The following NDUFAF2 variants were observed in gnomAD, a reference collection of about 807,000 sequenced individuals.
NDUFAF2 encodes NADH:ubiquinone oxidoreductase complex assembly factor 2, also known as NADH dehydrogenase [ubiquinone] 1 alpha subcomplex assembly factor 2.
In NDUFAF2, 13 loss-of-function variants were observed where a neutral mutation model predicts 22.8. The observed-to-expected ratio is 0.57, with a 90% CI of 0.37 to 0.91. The LOEUF (loss-of-function observed/expected upper bound fraction) is 0.91, where lower values mean the gene tolerates loss of function less well. Ranked by LOEUF, NDUFAF2 falls within the 40% of genes least tolerant of loss-of-function variation. NDUFAF2 has a pLI of 0.01. For synonymous variants in NDUFAF2, 53 were observed against 64.2 expected (o/e 0.83, Z 0.84); for missense variants, 162 against 195.2 (o/e 0.83, Z 1.01).
Position 61,049,886 on chromosome 5 carries a change from TACACACACAC to T in NDUFAF2, c.128-23217_128-23208del, listed in dbSNP as rs70977822. Among the ~76,000 whole-genome samples, 23 of 144,428 alleles carry T rather than the reference TACACACACAC, an allele frequency of 1.6e-4. No homozygotes were observed. In the East Asian group the frequency reaches 1.6e-3, roughly 10 times the overall value. The allele number at this position is 144,428 out of a possible 152,430, so 94.8% of individuals were successfully genotyped here. A position where few individuals can be genotyped will look rare whatever the true frequency, so the allele number is the denominator to read the frequency against. On this transcript the variant is annotated intron_variant, in intron 1 of 3. Coordinates refer to ENST00000296597, the MANE Select transcript of NDUFAF2 (RefSeq NM_174889.5). ...TACACAAATTATGCAATTTAAATTA[TACACACACAC>T]ACACACACACACACACACACAGTCT...
At chr5:61,119,936 TTACCTGAAATCCTATGTCTGGCTGC>T (rs1416947957) in intron 3 of NDUFAF2, among the ~76,000 whole-genome samples, 2 of 152,174 alleles carry the variant, frequency 1.3e-5, no homozygotes, top group Admixed American at 6.6e-5. Context: ...AAGTAATAGA[TTACCTGAAATCCTATGTCTGGCTGC>T]TACCTGAAAT....
chr5:61,102,186 AT>A (rs1300493921), intron 3 of NDUFAF2, among the ~76,000 whole-genome samples: 7 of 152,270 alleles, frequency 4.6e-5, no homozygotes, highest in African/African-American at 1.4e-4. Context: ...ATTTGAAAAT[AT>A]ATTTGGAAAT....
At chr5:61,025,512 T>C (rs1384583798) in intron 1 of NDUFAF2, among the ~76,000 whole-genome samples, 1 of 152,084 alleles carries the variant, frequency 6.6e-6, no homozygotes, top group African/African-American at 2.4e-5. Context: ...GTTTCTATAA[T>C]AGTGTGTTAT....
At chr5:60,981,112 C>T (rs1334962891) in intron 1 of NDUFAF2, among the ~76,000 whole-genome samples, 1 of 151,876 alleles carries the variant, frequency 6.6e-6, no homozygotes, top group Admixed American at 6.6e-5. Context: ...AGGTTTAACC[C>T]AAATAAGACT....
intron 2 of NDUFAF2, among the ~76,000 whole-genome samples, chr5:61,074,562 G>A (rs922685186): frequency 1.3e-5 from 2 of 151,370 alleles, no homozygotes; most frequent in Admixed American, 6.6e-5. Context: ...ACTCCAGCCT[G>A]GTGACAGAGT....
intron 1 of NDUFAF2, among the ~76,000 whole-genome samples, chr5:61,070,938 T>C (rs1020807043): frequency 3.3e-5 from 5 of 152,014 alleles, no homozygotes; most frequent in African/African-American, 1.2e-4. Flanking sequence ...CCAAAAAACA[T>C]TCTTACATTT....
chr5:60,998,378 T>C (rs1751254949), intron 1 of NDUFAF2, among the ~76,000 whole-genome samples: 1 of 152,060 alleles, frequency 6.6e-6, no homozygotes, highest in Admixed American at 6.5e-5. Context: ...CCAAATAAAT[T>C]GTTGTAGCAA....
chr5:60,986,008 G>T (rs1162857112), intron 1 of NDUFAF2, among the ~76,000 whole-genome samples: 2 of 152,192 alleles, frequency 1.3e-5, no homozygotes, highest in Non-Finnish European at 2.9e-5. Flanking sequence ...CACTGGTGAG[G>T]ATGTGAAGAA....
At position 61,029,845 on chromosome 5, in the gene NDUFAF2, G is replaced by C. The variant is rs538438453; in HGVS notation, c.128-43280G>C. On this transcript the variant is annotated intron_variant, in intron 1 of 3. Coordinates refer to ENST00000296597, the MANE Select transcript of NDUFAF2 (RefSeq NM_174889.5). The stretch of plus-strand genomic sequence containing the variant: ...GTTAATGTAGAAATGTCCCCTTGCC[G>C]GCAGCTAGCCCAATCTTCTTTTCAC... Among the ~76,000 whole-genome samples, 63 of 152,174 alleles carry C rather than the reference G, an allele frequency of 4.1e-4. No individual in the cohort carries two copies. In the South Asian group the frequency reaches 0.012, roughly 28 times the overall value.
At chr5:61,110,330 G>A (rs1013276030) in intron 3 of NDUFAF2, among the ~76,000 whole-genome samples, 1 of 150,904 alleles carries the variant, frequency 6.6e-6, no homozygotes, top group Non-Finnish European at 1.5e-5. Flanking sequence ...CAAAGATTTG[G>A]TATATTGACC....
chr5:60,976,310 T>G (rs1373257497), intron 1 of NDUFAF2, among the ~76,000 whole-genome samples: 2 of 152,088 alleles, frequency 1.3e-5, no homozygotes, highest in African/African-American at 4.8e-5. Context: ...TGTGCTTTTT[T>G]TTTTTTCTTA....
intron 1 of NDUFAF2, among the ~76,000 whole-genome samples, chr5:60,984,305 G>C (rs940321548): frequency 6.6e-6 from 1 of 150,428 alleles, no homozygotes; most frequent in East Asian, 2.0e-4. Flanking sequence ...GAGCTGAGAC[G>C]ATGGGGTTTT....
rs970565285 is a variant in NDUFAF2, at chr5:61,084,977, G to C, written c.217+11763G>C. On this transcript the variant is annotated intron_variant, in intron 2 of 3. Coordinates refer to ENST00000296597, the MANE Select transcript of NDUFAF2 (RefSeq NM_174889.5). Reference sequence around the variant, plus strand: ...GTAAAATGCACATTTTTTTCCATATGCTCATGGAACATTCACCAGGATGGG... The same window carrying C: ...GTAAAATGCACATTTTTTTCCATATCCTCATGGAACATTCACCAGGATGGG... Among the ~76,000 whole-genome samples, 3 of 152,036 alleles carry C rather than the reference G, an allele frequency of 2.0e-5. No individual in the cohort carries two copies. In the South Asian group the frequency reaches 6.2e-4, roughly 32 times the overall value.
At chr5:61,008,185 G>T (rs892043672) in intron 1 of NDUFAF2, among the ~76,000 whole-genome samples, 1 of 150,486 alleles carries the variant, frequency 6.6e-6, no homozygotes, top group Admixed American at 6.6e-5. Context: ...ATAGCTTTAG[G>T]AGATATACCT....
At chr5:61,107,292 G>A (rs1325664493) in intron 3 of NDUFAF2, among the ~76,000 whole-genome samples, 17 of 151,164 alleles carry the variant, frequency 1.1e-4, no homozygotes, top group African/African-American at 3.7e-4. Flanking sequence ...CTGGGGTGAC[G>A]TGATATCTCG....
intron 1 of NDUFAF2, among the ~76,000 whole-genome samples, chr5:61,068,009 T>G (rs1003945729): frequency 6.6e-6 from 1 of 152,174 alleles, no homozygotes; most frequent in Non-Finnish European, 1.5e-5. Context: ...CCCTTAAATA[T>G]ATACAATGAA....
At chr5:60,959,183 A>C (rs1294190307) in intron 1 of NDUFAF2, among the ~76,000 whole-genome samples, 2 of 152,104 alleles carry the variant, frequency 1.3e-5, no homozygotes, top group Non-Finnish European at 2.9e-5. Context: ...AGCTATTGGA[A>C]GATCATGATA....
Position 61,152,893 on chromosome 5 carries a change from A to C in NDUFAF2, c.448A>C (p.Thr150Pro). The change falls in exon 4 of 4, where the codon ACT becomes CCT. Residue 150 changes from threonine to proline, a missense_variant. This residue lies in a region of NDUFAF2 where 68 missense variants were observed against 110.0 expected (regional missense o/e 0.62). Coordinates refer to ENST00000296597, the MANE Select transcript of NDUFAF2 (RefSeq NM_174889.5). ...KEEPSVAPSS[T>P]GKTFQPGSWM... Reference sequence around the variant, plus strand: ...AGAACCCTCAGTGGCTCCCAGCAGCACTGGTAAAACCTTTCAGCCAGGATC... The same window carrying C: ...AGAACCCTCAGTGGCTCCCAGCAGCCCTGGTAAAACCTTTCAGCCAGGATC... 2 of 1,613,240 alleles carry C rather than the reference A, an allele frequency of 1.2e-6. No homozygotes were observed.
chr5:61,097,479 T>C (rs1752658815), intron 2 of NDUFAF2, among the ~76,000 whole-genome samples: 1 of 152,134 alleles, frequency 6.6e-6, no homozygotes, highest in African/African-American at 2.4e-5. Flanking sequence ...CATGGTAAAG[T>C]CAAAAATCCT....
Sources: gnomAD v4.1 joint callset for allele counts (sites outside exome capture counted in the v4.1 genomes callset) on GRCh38, gnomAD v4.1.1 for gene constraint, gnomAD v4.1.1 regional missense constraint, MANE v1.5 for transcripts, NCBI Gene and HGNC (gene_info 2026-07-23, HGNC 2026-07-21) for gene names.